FABP3: variants seen among roughly 807,000 people sequenced by gnomAD.
FABP3 encodes the protein fatty acid-binding protein, heart.
Under a neutral mutation model 13.4 loss-of-function variants are expected in FABP3, and 8 were observed. The observed-to-expected ratio is 0.60, with a 90% CI of 0.35 to 1.07. The LOEUF (loss-of-function observed/expected upper bound fraction) is 1.07, where lower values mean the gene tolerates loss of function less well. FABP3 is among the 50% of genes least tolerant of loss of function. The pLI, the probability that FABP3 is intolerant of heterozygous loss-of-function variation, is 0.02. For missense variants in FABP3, 135 were observed against 164.7 expected (o/e 0.82, Z 0.99); for synonymous variants, 64 against 60.0 (o/e 1.07, Z -0.31).
At chr1:31,364,551 G>A (rs539840239), downstream of FABP3, 25 of 249,786 alleles carry the variant, frequency 1.0e-4, no homozygotes, top group Admixed American at 8.3e-4. Flanking sequence ...AGAGACTGTT[G>A]TGGAGGTGAG....
rs1394773055 is a variant in FABP3 at position 31,373,024 on chromosome 1, G to C, written c.-10C>G. 1.9e-6 allele frequency: 3 copies of C among 1,613,792 alleles called. No homozygotes were observed. The Admixed American group carries it at 5.0e-5, about 27-fold the overall frequency. On this transcript the variant is annotated 5_prime_UTR_variant, in exon 1 of 4. Coordinates refer to ENST00000373713, the MANE Select transcript of FABP3 (RefSeq NM_004102.5). ...GGAAAGCGTCCACCATAGTGATGCT[G>C]GGCTAGGCTGAGAGAAGCTACAAGA...
intron 3 of FABP3, 97 bp downstream of exon 3, chr1:31,367,296 C>A: frequency 1.0e-6 from 1 of 980,558 alleles, no homozygotes; most frequent in Admixed American, 1.7e-5. Context: ...CCAGCTTCTA[C>A]AGCTCTCAGG....
downstream of FABP3, among the ~76,000 whole-genome samples, chr1:31,362,836 A>C (rs1267080458): frequency 1.3e-5 from 2 of 152,228 alleles, no homozygotes; most frequent in Admixed American, 1.3e-4. Flanking sequence ...AAAAAATGAA[A>C]GTAATAAGAT....
downstream of FABP3, among the ~76,000 whole-genome samples, chr1:31,360,732 A>C (rs1157459646): frequency 6.6e-6 from 1 of 152,186 alleles, no homozygotes; most frequent in Non-Finnish European, 1.5e-5. Flanking sequence ...GAGAGAACAA[A>C]GTGGAAATAG....
downstream of FABP3, among the ~76,000 whole-genome samples, chr1:31,363,434 C>T (rs552435233): frequency 3.3e-5 from 5 of 152,290 alleles, no homozygotes; most frequent in African/African-American, 1.2e-4. Context: ...CCACCTGCCT[C>T]GGCCTCCCAA....
chr1:31,362,944 A>G (rs1159337688), downstream of FABP3, among the ~76,000 whole-genome samples: 2 of 152,218 alleles, frequency 1.3e-5, no homozygotes, highest in African/African-American at 4.8e-5. Flanking sequence ...AATGTGTAAC[A>G]CTTATTACCA....
downstream of FABP3, among the ~76,000 whole-genome samples, chr1:31,360,678 G>A (rs1459123627): frequency 2.6e-5 from 4 of 152,202 alleles, no homozygotes; most frequent in Admixed American, 6.5e-5. Flanking sequence ...GGACTCTCCA[G>A]TGATTTGTTT....
At chr1:31,372,482 T>C (rs1640225193) in intron 1 of FABP3, among the ~76,000 whole-genome samples, 1 of 152,130 alleles carries the variant, frequency 6.6e-6, no homozygotes, top group African/African-American at 2.4e-5. Flanking sequence ...TGATCCACAG[T>C]TTTTTCCCCA....
Position 31,368,041 on chromosome 1 carries a change from T to C in FABP3, c.247-547A>G, listed in dbSNP as rs566682515. 3.3e-5 allele frequency among the ~76,000 whole-genome samples: 5 copies of C among 152,332 alleles called. No individual in the cohort carries two copies. The South Asian group carries it at 8.3e-4, about 25-fold the overall frequency. On this transcript the variant is annotated intron_variant, in intron 2 of 3. Coordinates refer to ENST00000373713, the MANE Select transcript of FABP3 (RefSeq NM_004102.5). ...CTTGGTCCACATCATGTGACCTCTT[T>C]AGCCAACAAGAGGGCAGCAACCACA...
At chr1:31,372,805 C>G (rs1331241265) in intron 1 of FABP3, 137 bp downstream of exon 1, 1 of 820,014 alleles carries the variant, frequency 1.2e-6, no homozygotes, top group Admixed American at 2.0e-5. Flanking sequence ...CCCACCTGCT[C>G]TAGGCCAGGC....
At chr1:31,364,480 A>C (rs1569966787), downstream of FABP3, 1 of 410,576 alleles carries the variant, frequency 2.4e-6, no homozygotes. Context: ...AGGTCCTATT[A>C]CCCTCTCCAG....
chr1:31,365,689 C>T lies in FABP3; in HGVS notation c.*197G>A. On this transcript the variant is annotated 3_prime_UTR_variant, in exon 4 of 4. Transcript: ENST00000373713. ...GCTCTGCTTTATTGACCTCAGAGCACCCTATGAGTGCAGTTAAAAAAAAAA... is the reference window on the plus strand; with the variant it reads ...GCTCTGCTTTATTGACCTCAGAGCATCCTATGAGTGCAGTTAAAAAAAAAA... 1.8e-6 allele frequency: 1 copy of T among 544,502 alleles called. No homozygotes were observed. The highest frequency in any genetic ancestry group is 3.3e-6 in the Non-Finnish European group (1 of 305,204). 33.7% of individuals were successfully genotyped at this position (544,502 alleles called of 1,614,324 possible).
intron 1 of FABP3, among the ~76,000 whole-genome samples, chr1:31,370,326 G>C (rs1344810462): frequency 6.6e-6 from 1 of 152,186 alleles, no homozygotes; most frequent in African/African-American, 2.4e-5. Context: ...CCCAAGGCTG[G>C]AGCATAAGGC....
downstream of FABP3, among the ~76,000 whole-genome samples, chr1:31,363,195 T>C (rs1043306269): frequency 4.7e-5 from 7 of 150,504 alleles, no homozygotes; most frequent in Non-Finnish European, 8.9e-5. Flanking sequence ...TTTTTTTTTT[T>C]TTTTTTGAGA....
chr1:31,359,983 C>CTT, the FABP3 span, among the ~76,000 whole-genome samples: 405 of 145,278 alleles, frequency 2.8e-3, 3 homozygotes, highest in African/African-American at 9.5e-3. Flanking sequence ...GAACTACAAC[C>CTT]TTTTTTTTTT....
chr1:31,367,202 T>G (rs1380436344), intron 3 of FABP3, among the ~76,000 whole-genome samples, 191 bp downstream of exon 3: 2 of 152,310 alleles, frequency 1.3e-5, no homozygotes, highest in Non-Finnish European at 2.9e-5. Context: ...AGGTAAGATT[T>G]GAGTTCCGGC....
the FABP3 span, among the ~76,000 whole-genome samples, chr1:31,360,165 G>GTGTTTTGTTT: frequency 1.0e-4 from 15 of 150,554 alleles, no homozygotes; most frequent in Admixed American, 3.3e-4. Context: ...TTGTGTGTGC[G>GTGTTTTGTTT]TGTTTTGTTT....
downstream of FABP3, among the ~76,000 whole-genome samples, chr1:31,361,969 A>C (rs149643363): frequency 4.0e-4 from 60 of 151,804 alleles, 3 homozygotes; most frequent in East Asian, 0.011. Flanking sequence ...GCGTAACCAC[A>C]CCCGGCCAAT....
rs3049341 is a variant in FABP3 at position 31,366,062 on chromosome 1, ATGTGTGTGTGTGTG to A, written c.349-137_349-124del. 7.3e-4 allele frequency: 419 copies of A among 573,910 alleles called. 1 individual carries two copies. The highest frequency in any genetic ancestry group is 1.3e-3 in the South Asian group (66 of 50,302). The allele number at this position is 573,910 out of a possible 1,614,324, so 35.6% of individuals were successfully genotyped here. A position where few individuals can be genotyped will look rare whatever the true frequency, so the allele number is the denominator to read the frequency against. On this transcript the variant is annotated intron_variant, in intron 3 of 3. Transcript: ENST00000373713. Reference sequence around the variant, plus strand: ...TACTATGTGCCGGCTATATGTATGTATGTGTGTGTGTGTGTGTGTGTGTGTGTGTGTGTGTGTAT... The same window carrying A: ...TACTATGTGCCGGCTATATGTATGTATGTGTGTGTGTGTGTGTGTGTGTAT...
Sources: allele counts gnomAD v4.1 joint callset (sites outside exome capture counted in the v4.1 genomes callset), GRCh38; gene constraint gnomAD v4.1.1; transcripts MANE v1.5; gene names NCBI Gene and HGNC (gene_info 2026-07-23, HGNC 2026-07-21).